Variants in PCDHGB3 observed in about 807,000 individuals in gnomAD.
PCDHGB3 encodes the protein protocadherin gamma subfamily B, 3, also known as protocadherin gamma-B3.
PCDHGB3 carries 40 observed loss-of-function variants against 59.2 expected under a neutral mutation model. The ratio of observed to expected loss-of-function variants is 0.68; its 90% confidence interval spans 0.52 to 0.88. PCDHGB3 has a LOEUF of 0.88. Ranked by LOEUF, PCDHGB3 falls within the 40% of genes least tolerant of loss-of-function variation. The pLI is 0.00. For missense variants in PCDHGB3, 1,309 were observed against 1,187.9 expected (o/e 1.10, Z -1.50); for synonymous variants, 581 against 503.6 (o/e 1.15, Z -2.06).
At chr5:141,389,039 A>C in intron 1 of PCDHGB3, 1 of 1,613,988 alleles carries the variant, frequency 6.2e-7, no homozygotes, top group Non-Finnish European at 8.5e-7. Context: ...GTAAATTGGA[A>C]GGTGATGTTC....
At chr5:141,414,748 G>A in intron 1 of PCDHGB3, 5 of 1,614,182 alleles carry the variant, frequency 3.1e-6, no homozygotes, top group Non-Finnish European at 4.2e-6. Context: ...CAGATCCTTC[G>A]ACTATGAGCA....
intron 1 of PCDHGB3, among the ~76,000 whole-genome samples, chr5:141,387,032 T>C (rs993852019): frequency 6.6e-6 from 1 of 152,202 alleles, no homozygotes; most frequent in Admixed American, 6.5e-5. Context: ...TTGTATTTCA[T>C]AACCAGTAAA....
rs2149999180 is a variant in PCDHGB3, at chr5:141,372,098, G to C, written c.1704G>C (p.Gly568=). The C allele has an allele frequency of 6.2e-7, 1 of 1,613,794 alleles. No individual in the cohort carries two copies. The highest frequency in any genetic ancestry group is 1.7e-4 in the Middle Eastern group (1 of 6,046). The part of the protein sequence containing the change: ...NAPLVLYPAL[G]PEGSALFDMV... Reference sequence around the variant, plus strand: ...CGCTGGTGCTGTACCCAGCTCTGGGGCCCGAAGGCTCTGCGCTCTTCGATA... The same window carrying C: ...CGCTGGTGCTGTACCCAGCTCTGGGCCCCGAAGGCTCTGCGCTCTTCGATA... The change falls in exon 1 of 4, where the codon GGG becomes GGC. Residue 568 remains glycine, a synonymous_variant. Coordinates refer to ENST00000576222, the MANE Select transcript of PCDHGB3 (RefSeq NM_018924.5).
intron 1 of PCDHGB3, among the ~76,000 whole-genome samples, chr5:141,444,152 ATTTTTTTTTTTTTTTTTTTTTT>A (rs747671382): frequency 8.9e-5 from 3 of 33,882 alleles, no homozygotes; most frequent in East Asian, 1.0e-3. Flanking sequence ...TGTGTACTGG[ATTTTTTTTTTTTTTTTTTTTTT>A]TTTTTTTTTT....
In PCDHGB3 at chr5:141,370,411, G is replaced by A. The variant is rs757547025; in HGVS notation, c.17G>A (p.Gly6Glu). 2 of 1,566,772 alleles carry A rather than the reference G, an allele frequency of 1.3e-6. No individual in the cohort carries two copies. The highest frequency in any genetic ancestry group is 1.2e-5 in the South Asian group (1 of 83,228). The change falls in exon 1 of 4, where the codon GGA (glycine) becomes GAA (glutamate). Residue 6 changes from glycine (G) to glutamate (E), a missense_variant. By Grantham distance (98) the Gly-to-Glu change is moderately conservative. Coordinates refer to ENST00000576222, the MANE Select transcript of PCDHGB3 (RefSeq NM_018924.5). Reference protein sequence around the residue: MGNSSGWRGPAGQRRM... With the variant: MGNSSEWRGPAGQRRM... ...GAGAGCGGGATGGGAAATAGCTCCG[G>A]ATGGAGGGGCCCAGCAGGGCAGAGG...
At chr5:141,419,155 A>G in intron 1 of PCDHGB3, 1 of 1,613,966 alleles carries the variant, frequency 6.2e-7, no homozygotes, top group Middle Eastern at 1.6e-4. Context: ...AGCCTCCGTT[A>G]TCCTCCAGCA....
chr5:141,496,513 G>A (rs1364297990), intron 2 of PCDHGB3, among the ~76,000 whole-genome samples: 1 of 152,140 alleles, frequency 6.6e-6, no homozygotes, highest in Non-Finnish European at 1.5e-5. Context: ...CAAGGACCCA[G>A]GAGCCCTTGG....
At chr5:141,399,588 C>A (rs2093842272) in intron 1 of PCDHGB3, 1 of 1,613,894 alleles carries the variant, frequency 6.2e-7, no homozygotes, top group South Asian at 1.1e-5. Context: ...CCTACTCTAT[C>A]ATGGCCAGCG....
intron 1 of PCDHGB3, chr5:141,403,607 G>T: frequency 6.2e-7 from 1 of 1,613,858 alleles, no homozygotes; most frequent in Non-Finnish European, 8.5e-7. Flanking sequence ...GGATGGCGGC[G>T]AGCCGCGTCG....
chr5:141,489,447 G>A lies in PCDHGB3; in HGVS notation c.2416-5360G>A. The A allele has an allele frequency of 5.6e-6, 9 of 1,614,134 alleles. No homozygotes were observed. The highest frequency in any genetic ancestry group is 7.6e-6 in the Non-Finnish European group (9 of 1,180,028). ...GCCGGCGGCTGCAATTGGGCTCTGA[G>A]GAGAATGGGCGCTATTTTTCCCTGA... On this transcript the variant is annotated intron_variant, in intron 1 of 3. Coordinates refer to ENST00000576222, the MANE Select transcript of PCDHGB3 (RefSeq NM_018924.5). This position sits in a 1 kb window ranked among gnomAD's most constrained non-coding sequence, Gnocchi z 4.5.
chr5:141,373,969 C>T, intron 1 of PCDHGB3: 2 of 1,010,234 alleles, frequency 2.0e-6, no homozygotes, highest in Non-Finnish European at 2.7e-6. Context: ...TGAAACGCTT[C>T]GCATCCGGTC....
chr5:141,433,076 C>G, intron 1 of PCDHGB3: 1 of 1,614,188 alleles, frequency 6.2e-7, no homozygotes, highest in Non-Finnish European at 8.5e-7. Context: ...CTTCCCCCAG[C>G]CCAACTATGC....
Position 141,491,498 on chromosome 5 carries a change from C to G in PCDHGB3, c.2416-3309C>G. Reference sequence around the variant, plus strand: ...TCCAGCCCCAACCTGCAGGTGAGCTCGGACGGCACGCTCAAGTACATGGAG... The same window carrying G: ...TCCAGCCCCAACCTGCAGGTGAGCTGGGACGGCACGCTCAAGTACATGGAG... On this transcript the variant is annotated intron_variant, in intron 1 of 3. Transcript: ENST00000576222. The surrounding 1 kb of genome is among the most constrained non-coding windows in gnomAD (Gnocchi z 6.9). The G allele has an allele frequency of 6.2e-7, 1 of 1,614,102 alleles. No homozygotes were observed. Among genetic ancestry groups the G allele is most frequent in the Non-Finnish European group, 8.5e-7 (1 of 1,180,018 alleles).
At chr5:141,507,349 A>G (rs537480798) in intron 3 of PCDHGB3, 1 of 152,236 alleles carries the variant, frequency 6.6e-6, no homozygotes, top group African/African-American at 2.4e-5. Flanking sequence ...CTGAAATTCA[A>G]ATTTAACTGG....
chr5:141,399,278 G>A (rs1373250809), intron 1 of PCDHGB3: 2 of 1,613,792 alleles, frequency 1.2e-6, no homozygotes, highest in African/African-American at 1.3e-5. Context: ...CAATTACAAG[G>A]CGAAGTCCCT....
Position 141,511,315 on chromosome 5 carries a change from G to A in PCDHGB3, c.*142G>A. ...AAGGCCATGCTCCCCTTGGGAAACA[G>A]AAACAAGTGCCCAGTCAGCACCTAC... On this transcript the variant is annotated 3_prime_UTR_variant, in exon 4 of 4. Coordinates refer to ENST00000576222, the MANE Select transcript of PCDHGB3 (RefSeq NM_018924.5). 6.8e-7 allele frequency: 1 copy of A among 1,481,384 alleles called. No individual in the cohort carries two copies. Among genetic ancestry groups the A allele is most frequent in the Non-Finnish European group, 9.0e-7 (1 of 1,110,974 alleles). 91.8% of individuals were successfully genotyped at this position (1,481,384 alleles called of 1,614,324 possible).
At chr5:141,448,200 T>C (rs2098574351) in intron 1 of PCDHGB3, among the ~76,000 whole-genome samples, 1 of 152,156 alleles carries the variant, frequency 6.6e-6, no homozygotes, top group Non-Finnish European at 1.5e-5. Context: ...CTTACAAACA[T>C]TTTCTGTGTG....
At chr5:141,379,171 A>G (rs1561582641) in intron 1 of PCDHGB3, 1 of 152,248 alleles carries the variant, frequency 6.6e-6, no homozygotes, top group Non-Finnish European at 1.5e-5. Flanking sequence ...GTCTTCTTAA[A>G]GATAACATTG....
chr5:141,393,088 G>C (rs760420305), intron 1 of PCDHGB3: 4 of 1,613,648 alleles, frequency 2.5e-6, no homozygotes, highest in South Asian at 1.1e-5. Context: ...AGGATAGATC[G>C]GGAGGAGCTC....
Sources: allele counts gnomAD v4.1 joint callset (sites outside exome capture counted in the v4.1 genomes callset), GRCh38; gene constraint gnomAD v4.1.1; non-coding constraint Gnocchi (gnomAD v3.1); transcripts MANE v1.5; gene names NCBI Gene and HGNC (gene_info 2026-07-23, HGNC 2026-07-21).